The following KLHL22 variants were observed in gnomAD, a reference collection of about 807,000 sequenced individuals.
The protein encoded by KLHL22 is kelch-like protein 22.
A neutral mutation model predicts 60.7 loss-of-function variants in KLHL22; 18 were observed. That is an observed-to-expected ratio of 0.30 (90% confidence interval 0.20 to 0.44). The LOEUF (loss-of-function observed/expected upper bound fraction) is 0.44. KLHL22 is among the 20% of genes least tolerant of loss of function. KLHL22 has a pLI of 1.00. For synonymous variants in KLHL22, 355 were observed against 354.5 expected, an observed-to-expected ratio of 1.00 and a Z score of -0.01; for missense variants, 596 against 852.3, an observed-to-expected ratio of 0.70 and a Z score of 3.74.
chr22:20,494,663 C>T (rs903324755), intron 1 of KLHL22, among the ~76,000 whole-genome samples: 3 of 152,180 alleles, frequency 2.0e-5, no homozygotes, highest in African/African-American at 7.2e-5. Context: ...AGGCATGAGC[C>T]ACCGCGCCCG....
intron 2 of KLHL22, among the ~76,000 whole-genome samples, chr22:20,486,683 C>CTT (rs60166792): frequency 1.4e-5 from 2 of 140,804 alleles, no homozygotes; most frequent in East Asian, 2.0e-4. Context: ...TATTTCTTTT[C>CTT]TTTTTTTTTT....
intron 2 of KLHL22, chr22:20,484,134 G>C: frequency 4.3e-6 from 3 of 705,446 alleles, no homozygotes; most frequent in South Asian, 4.1e-5. Flanking sequence ...CAAGAGGACA[G>C]GACTCAGGCT....
intron 2 of KLHL22, among the ~76,000 whole-genome samples, chr22:20,479,994 C>T (rs2053473206): frequency 6.6e-6 from 1 of 152,050 alleles, no homozygotes. Context: ...TGTGGTATAT[C>T]CATAAAATGG....
chr22:20,472,550 A>G (rs980215932), intron 2 of KLHL22, among the ~76,000 whole-genome samples: 11 of 152,112 alleles, frequency 7.2e-5, no homozygotes, highest in Admixed American at 5.2e-4. Context: ...ACATGGTGAA[A>G]CCCCGTCTCT....
At chr22:20,489,563 C>T (rs2053648430) in intron 1 of KLHL22, among the ~76,000 whole-genome samples, 1 of 152,144 alleles carries the variant, frequency 6.6e-6, no homozygotes, top group Admixed American at 6.6e-5. Context: ...CAGGGACTTA[C>T]AACATGACCA....
chr22:20,477,956 G>A (rs189122927), intron 2 of KLHL22, among the ~76,000 whole-genome samples: 13 of 152,218 alleles, frequency 8.5e-5, no homozygotes, highest in African/African-American at 2.6e-4. Flanking sequence ...TTAGAGAGGC[G>A]AACTGAAGTT....
chr22:20,478,885 T>C (rs1161633780), intron 2 of KLHL22, among the ~76,000 whole-genome samples: 4 of 150,154 alleles, frequency 2.7e-5, no homozygotes, highest in Admixed American at 6.6e-5. Context: ...TCCCAGCACT[T>C]TGGGAGGCCG....
Position 20,442,238 on chromosome 22 carries a change from G to C in KLHL22, c.1740C>G (p.Asp580Glu). 1 of 1,611,432 alleles carries C rather than the reference G, an allele frequency of 6.2e-7. No homozygotes were observed. Among genetic ancestry groups the C allele is most frequent in the Non-Finnish European group, 8.5e-7 (1 of 1,178,546 alleles). The change falls in exon 7 of 7, where the codon GAC (aspartate) becomes GAG (glutamate). Residue 580 changes from aspartate (D) to glutamate (E), a missense_variant. Transcript: ENST00000328879. ...AGGCCGCCAGGCCTGAGATGGAGTTGTCCAGCTGGGGCCCTTCCTCCCAGC... is the reference window on the plus strand; with the variant it reads ...AGGCCGCCAGGCCTGAGATGGAGTTCTCCAGCTGGGGCCCTTCCTCCCAGC... ...KDCWEEGPQL[D>E]NSISGLAACV...
At position 20,449,261 on chromosome 22, in the gene KLHL22, C is replaced by T. The variant is rs536968621; in HGVS notation, c.1306-2585G>A. ...ATTTTTAGTAGAGATGGGGTTTCAC[C>T]GTGTTAGCCAGGATGGTCTCAATCT... On this transcript the variant is annotated intron_variant, in intron 5 of 6. Transcript: ENST00000328879. Among the ~76,000 whole-genome samples the T allele has an allele frequency of 5.9e-5, 9 of 152,098 alleles. No individual in the cohort carries two copies. In the South Asian group the frequency reaches 1.7e-3, roughly 28 times the overall value.
intron 3 of KLHL22, among the ~76,000 whole-genome samples, chr22:20,470,644 G>C (rs1196280910): frequency 6.6e-6 from 1 of 152,160 alleles, no homozygotes; most frequent in Non-Finnish European, 1.5e-5. Flanking sequence ...GAGAGAGCTT[G>C]TCTCCAATAA....
At chr22:20,494,259 T>C (rs1406623981) in intron 1 of KLHL22, among the ~76,000 whole-genome samples, 1 of 152,188 alleles carries the variant, frequency 6.6e-6, no homozygotes, top group East Asian at 1.9e-4. Flanking sequence ...TAGTCCTGGC[T>C]ATCTGGGGTG....
intron 3 of KLHL22, among the ~76,000 whole-genome samples, chr22:20,468,754 G>A (rs1337734773): frequency 6.6e-6 from 1 of 152,080 alleles, no homozygotes; most frequent in Non-Finnish European, 1.5e-5. Flanking sequence ...CCACCTCCTG[G>A]GCTCAAGTGA....
chr22:20,471,472 C>T lies in KLHL22; in HGVS notation c.271G>A (p.Val91Ile), dbSNP rs2053326224. Residue 91 changes from valine to isoleucine, a missense_variant, in exon 3 of 7, where the codon GTC becomes ATC. Transcript: ENST00000328879. Reference protein sequence around the residue: ...GGLKEMEQEEVLIHGVSYNAM... With the variant: ...GGLKEMEQEEILIHGVSYNAM... ...TTGTAGGACACACCGTGGATCAGGA[C>T]CTCTTCCTGTTCCATCTCCTTCAAT... The T allele has an allele frequency of 2.5e-6, 4 of 1,614,086 alleles. No individual in the cohort carries two copies. The highest frequency in any genetic ancestry group is 3.4e-6 in the Non-Finnish European group (4 of 1,179,964).
intron 5 of KLHL22, among the ~76,000 whole-genome samples, chr22:20,452,800 T>G (rs543967955): frequency 1.3e-3 from 200 of 152,340 alleles, no homozygotes; most frequent in African/African-American, 4.7e-3. Flanking sequence ...TATTTGGGGA[T>G]GGACTGGGAG....
At chr22:20,450,049 C>A in intron 5 of KLHL22, 1 of 673,878 alleles carries the variant, frequency 1.5e-6, no homozygotes, top group East Asian at 2.6e-5. Flanking sequence ...CAGGCCCTGG[C>A]GCGGCTGTGT....
intron 1 of KLHL22, among the ~76,000 whole-genome samples, chr22:20,492,223 TC>T (rs978804970): frequency 6.6e-6 from 1 of 152,158 alleles, no homozygotes; most frequent in African/African-American, 2.4e-5. Context: ...TTAATATTTT[TC>T]CTTTCTAACC....
At chr22:20,480,740 ACT>A (rs1413285189) in intron 2 of KLHL22, among the ~76,000 whole-genome samples, 1 of 151,560 alleles carries the variant, frequency 6.6e-6, no homozygotes, top group African/African-American at 2.4e-5. Flanking sequence ...AAGTATAAAG[ACT>A]CACACTAGGA....
At chr22:20,462,202 G>A (rs997601331) in intron 4 of KLHL22, among the ~76,000 whole-genome samples, 5 of 151,114 alleles carry the variant, frequency 3.3e-5, no homozygotes, top group South Asian at 2.1e-4. Flanking sequence ...GCTTGAACCC[G>A]GGAGGCAGAG....
intron 2 of KLHL22, among the ~76,000 whole-genome samples, chr22:20,481,707 A>G (rs1455345693): frequency 6.6e-6 from 1 of 152,152 alleles, no homozygotes; most frequent in Admixed American, 6.5e-5. Context: ...AGGCTCAAGC[A>G]ATCCTCTCAC....
Sources: allele counts gnomAD v4.1 joint callset (sites outside exome capture counted in the v4.1 genomes callset), GRCh38; gene constraint gnomAD v4.1.1; transcripts MANE v1.5; gene names NCBI Gene and HGNC (gene_info 2026-07-23, HGNC 2026-07-21).